ESS2: variants seen among roughly 807,000 people sequenced by gnomAD.
ESS2 encodes ess-2 spliceosome associated protein, also known as splicing factor ESS-2 homolog.
ESS2 carries 31 observed loss-of-function variants against 52.0 expected under a neutral mutation model. The observed-to-expected ratio is 0.60, with a 90% CI of 0.45 to 0.81. ESS2 has a LOEUF of 0.81. Among genes scored for constraint, ESS2 ranks in the 30% least tolerant of loss-of-function variants. The pLI is 0.00. For missense variants in ESS2, 602 were observed against 637.2 expected (o/e 0.94, Z 0.59); for synonymous variants, 285 against 259.2 (o/e 1.10, Z -0.95).
At chr22:19,141,922 G>T (rs374011042) in intron 3 of ESS2, among the ~76,000 whole-genome samples, 16 of 152,280 alleles carry the variant, frequency 1.1e-4, no homozygotes, top group African/African-American at 3.9e-4. Context: ...CCTGGGAGGT[G>T]GAGGTTGCAG....
chr22:19,142,415 A>T (rs760424804), intron 3 of ESS2, 123 bp downstream of exon 3: 58 of 850,666 alleles, frequency 6.8e-5, no homozygotes, highest in Non-Finnish European at 1.0e-4. Flanking sequence ...GCTGCTATTT[A>T]CGCAAGACCC....
chr22:19,136,514 G>T (rs1413381376), intron 8 of ESS2, among the ~76,000 whole-genome samples: 2 of 152,012 alleles, frequency 1.3e-5, no homozygotes, highest in African/African-American at 4.8e-5. Flanking sequence ...CTGCTATTCA[G>T]TGCAATCTGA....
In ESS2 at chr22:19,139,108, G is replaced by C; in HGVS notation, c.822+51C>G. The C allele has an allele frequency of 2.6e-6, 4 of 1,542,930 alleles. No homozygotes were observed. The Admixed American group carries it at 7.9e-5, about 30-fold the overall frequency. ...ATGGGAGAGATCATGCCTGCCCCCA[G>C]GCAGCCCTGTCCAACCTGGCCCATG... On this transcript the variant is annotated intron_variant, in intron 6 of 9. Coordinates refer to ENST00000252137, the MANE Select transcript of ESS2 (RefSeq NM_022719.3).
intron 7 of ESS2, 78 bp from the exon 8 acceptor site, chr22:19,137,510 C>A: frequency 8.7e-7 from 1 of 1,155,216 alleles, no homozygotes; most frequent in Non-Finnish European, 1.2e-6. Flanking sequence ...GCTTGTTCAC[C>A]CAATGTGCAT....
intron 1 of ESS2, among the ~76,000 whole-genome samples, chr22:19,143,902 C>A (rs1035638955): frequency 2.0e-5 from 3 of 152,198 alleles, no homozygotes; most frequent in Admixed American, 6.5e-5. Context: ...GTAACTTCAG[C>A]CAGTCACTAC....
chr22:19,142,818 G>A lies in ESS2; in HGVS notation c.212C>T (p.Ala71Val). ...KLQAQKEYLE[A>V]EENGDLERMR... is the part of the protein sequence containing the mutation. ...CCGTTCCAAGTCTCCATTCTCCTCG[G>A]CTTCCAGGTACTCCTTCTGTGCCTG... The change falls in exon 2 of 10, where the codon GCC (alanine) becomes GTC (valine). Residue 71 changes from alanine (A) to valine (V), a missense_variant. Coordinates refer to ENST00000252137, the MANE Select transcript of ESS2 (RefSeq NM_022719.3). 1 of 1,614,148 alleles carries A rather than the reference G, an allele frequency of 6.2e-7. No homozygotes were observed. The highest frequency in any genetic ancestry group is 8.5e-7 in the Non-Finnish European group (1 of 1,180,050).
Position 19,131,197 on chromosome 22 carries a change from C to A in ESS2, c.*2999G>T. The stretch of plus-strand genomic sequence containing the variant: ...TCCAGAGACCCTGTTCTCCCTCAGC[C>A]CAGTCCCCGCCCCCACTCCTTGGCT... On this transcript the variant is annotated 3_prime_UTR_variant, in exon 10 of 10. Transcript: ENST00000252137. The surrounding 1 kb of genome is among the most constrained non-coding windows in gnomAD (Gnocchi z 5.7). 1 of 574,516 alleles carries A rather than the reference C, an allele frequency of 1.7e-6. No homozygotes were observed. Among genetic ancestry groups the A allele is most frequent in the Non-Finnish European group, 3.1e-6 (1 of 323,790 alleles). 35.6% of individuals were successfully genotyped at this position (574,516 alleles called of 1,614,324 possible).
intron 8 of ESS2, among the ~76,000 whole-genome samples, chr22:19,136,881 TG>T (rs1365283506): frequency 6.6e-6 from 1 of 152,142 alleles, no homozygotes; most frequent in Admixed American, 6.5e-5. Flanking sequence ...TCCCCTGGTC[TG>T]TGCCGGGCCT....
rs757352938 is a variant in ESS2 at position 19,132,237 on chromosome 22, A to G, written c.*1959T>C. 3 of 1,612,134 alleles carry G rather than the reference A, an allele frequency of 1.9e-6. No homozygotes were observed. The highest frequency in any genetic ancestry group is 2.5e-6 in the Non-Finnish European group (3 of 1,178,596). ...GCTGCAGCCCCCCAAGCCCAAAGCC[A>G]CGTCTTCTGCCTCCTTCAAGAGGGA... On this transcript the variant is annotated 3_prime_UTR_variant, in exon 10 of 10. Transcript: ENST00000252137. This position sits in a 1 kb window ranked among gnomAD's most constrained non-coding sequence, Gnocchi z 4.2.
At position 19,134,148 on chromosome 22, in the gene ESS2, G is replaced by A. The variant is rs1301519197; in HGVS notation, c.*48C>T. On this transcript the variant is annotated 3_prime_UTR_variant, in exon 10 of 10. Transcript: ENST00000252137. ...GGAGTCCTCTGCTGGGTGTACAGCT[G>A]CCCTGCAGGCTCTGTGAAGCGTCTA... 6.8e-7 allele frequency: 1 copy of A among 1,472,066 alleles called. No individual in the cohort carries two copies. Among genetic ancestry groups the A allele is most frequent in the African/African-American group, 1.4e-5 (1 of 69,900 alleles). 91.2% of individuals were successfully genotyped at this position (1,472,066 alleles called of 1,614,324 possible).
At chr22:19,143,858 C>CA (rs770683792) in intron 1 of ESS2, among the ~76,000 whole-genome samples, 9 of 152,134 alleles carry the variant, frequency 5.9e-5, no homozygotes, top group Non-Finnish European at 7.4e-5. Flanking sequence ...GACTCCGTCT[C>CA]AAAAAATAAA....
rs537753034 is a variant in ESS2 at position 19,131,274 on chromosome 22, CCT to C, written c.*2920_*2921del. ...CGGAGACAATGCTGAGTGTTCCACC[CCT>C]GAGTCGAAGCCCAGCCCAGGGCAGC... On this transcript the variant is annotated 3_prime_UTR_variant, in exon 10 of 10. Coordinates refer to ENST00000252137, the MANE Select transcript of ESS2 (RefSeq NM_022719.3). The surrounding 1 kb of genome is among the most constrained non-coding windows in gnomAD (Gnocchi z 5.7). 2.7e-4 allele frequency: 205 copies of C among 759,316 alleles called. 2 individuals carry two copies. Among genetic ancestry groups the C allele is most frequent in the South Asian group, 1.7e-3 (92 of 55,600 alleles). The allele number at this position is 759,316 out of a possible 1,614,324, so 47.0% of individuals were successfully genotyped here. A position where few individuals can be genotyped will look rare whatever the true frequency, so the allele number is the denominator to read the frequency against.
chr22:19,133,903 T>G lies in ESS2; in HGVS notation c.*293A>C. The G allele has an allele frequency of 6.5e-6, 2 of 308,666 alleles. No homozygotes were observed. The highest frequency in any genetic ancestry group is 5.9e-6 in the Non-Finnish European group (1 of 169,676). The allele number at this position is 308,666 out of a possible 1,614,324, so 19.1% of individuals were successfully genotyped here. A position where few individuals can be genotyped will look rare whatever the true frequency, so the allele number is the denominator to read the frequency against. ...GGCCCCAGGGCAAGGCTAGGGCTCG[T>G]GTGGGGAGCAAGATGGAGAGGCAAC... On this transcript the variant is annotated 3_prime_UTR_variant, in exon 10 of 10. Coordinates refer to ENST00000252137, the MANE Select transcript of ESS2 (RefSeq NM_022719.3).
rs202208926 is a variant in ESS2 at position 19,138,303 on chromosome 22, C to T, written c.837G>A (p.Lys279=). The part of the protein sequence containing the change: ...AALNAQHKQG[K]VGPDGKELIP... ...TCAGCTCCTTGCCATCGGGGCCCAC[C>T]TTGCCCTGTTTGTGCTGGAACAAGC... Residue 279 remains lysine (K), a synonymous_variant, in exon 7 of 10, where the codon AAG becomes AAA. Coordinates refer to ENST00000252137, the MANE Select transcript of ESS2 (RefSeq NM_022719.3). 5 of 1,613,760 alleles carry T rather than the reference C, an allele frequency of 3.1e-6. No individual in the cohort carries two copies. The African/African-American group carries it at 4.0e-5, about 13-fold the overall frequency.
In ESS2 at chr22:19,130,576, C is replaced by CAG; in HGVS notation, c.*3618_*3619dup. 2.3e-6 allele frequency: 1 copy of CAG among 432,440 alleles called. No individual in the cohort carries two copies. Among genetic ancestry groups the CAG allele is most frequent in the Non-Finnish European group, 4.5e-6 (1 of 221,552 alleles). The allele number at this position is 432,440 out of a possible 1,614,324, so 26.8% of individuals were successfully genotyped here. On this transcript the variant is annotated 3_prime_UTR_variant, in exon 10 of 10. Transcript: ENST00000252137. Reference sequence around the variant, plus strand: ...ATTGTATCTCCTTTACAGCTTGGTCCAGAGAGCTGCCTTAGACTATCCAAT... The same window carrying CAG: ...ATTGTATCTCCTTTACAGCTTGGTCCAGAGAGAGCTGCCTTAGACTATCCAAT...
Position 19,134,270 on chromosome 22 carries a change from T to C in ESS2, c.1357A>G (p.Thr453Ala). 1 of 1,585,894 alleles carries C rather than the reference T, an allele frequency of 6.3e-7. No individual in the cohort carries two copies. Among genetic ancestry groups the C allele is most frequent in the Non-Finnish European group, 8.6e-7 (1 of 1,164,164 alleles). ...APGSATRTPL[T>A]QDPASITDNL... ...TCCGTGATGGAGGCCGGGTCCTGTG[T>C]GAGAGGGGTGCGTGTGGCAGAGCCA... The change falls in exon 10 of 10, where the codon ACA becomes GCA. Residue 453 changes from threonine to alanine, a missense_variant. By Grantham distance (58) the Thr-to-Ala change is moderately conservative. Transcript: ENST00000252137.
rs1208784936 is a variant in ESS2 at position 19,131,604 on chromosome 22, C to T, written c.*2592G>A. 1.2e-6 allele frequency: 2 copies of T among 1,614,134 alleles called. No homozygotes were observed. The highest frequency in any genetic ancestry group is 2.2e-5 in the East Asian group (1 of 44,878). On this transcript the variant is annotated 3_prime_UTR_variant, in exon 10 of 10. Coordinates refer to ENST00000252137, the MANE Select transcript of ESS2 (RefSeq NM_022719.3). This position sits in a 1 kb window ranked among gnomAD's most constrained non-coding sequence, Gnocchi z 5.7. ...GATGGACATCCTGGCAACTGTCAAC[C>T]ACGGCTCCATCATCAAGACTTACGA... is the stretch of plus-strand genomic sequence containing the variant.
chr22:19,138,472 G>T (rs963223781), intron 6 of ESS2, 155 bp from the exon 7 acceptor site: 2 of 782,868 alleles, frequency 2.6e-6, no homozygotes, highest in Admixed American at 2.0e-5. Context: ...GAAAGAGAGG[G>T]AGGGCCCCTG....
In ESS2 at chr22:19,133,990, A is replaced by C. The variant is rs2083535808; in HGVS notation, c.*206T>G. ...TCAAGGGGCCAATTAAACAGCAAAC[A>C]GCTTGGCAAGGCCCTGGGGTGTGGT... On this transcript the variant is annotated 3_prime_UTR_variant, in exon 10 of 10. Transcript: ENST00000252137. 2.1e-6 allele frequency: 1 copy of C among 484,480 alleles called. No individual in the cohort carries two copies. Among genetic ancestry groups the C allele is most frequent in the Non-Finnish European group, 3.3e-6 (1 of 301,024 alleles). The allele number at this position is 484,480 out of a possible 1,614,324, so 30.0% of individuals were successfully genotyped here.
Sources: gnomAD v4.1 joint callset for allele counts (sites outside exome capture counted in the v4.1 genomes callset) on GRCh38, gnomAD v4.1.1 for gene constraint, Gnocchi (gnomAD v3.1) non-coding constraint, MANE v1.5 for transcripts, NCBI Gene and HGNC (gene_info 2026-07-23, HGNC 2026-07-21) for gene names.